The following NAV3 variants were observed in gnomAD, a reference collection of about 807,000 sequenced individuals.
NAV3 encodes pore membrane and/or filament interacting like protein 1.
Under a neutral mutation model 244.7 loss-of-function variants are expected in NAV3, and 87 were observed. The ratio of observed to expected loss-of-function variants is 0.36; its 90% CI spans 0.30 to 0.42. The LOEUF (loss-of-function observed/expected upper bound fraction) is 0.42. Among genes scored for constraint, NAV3 ranks in the 20% least tolerant of loss-of-function variants. NAV3 has a pLI of 1.00. For missense variants in NAV3, 2,663 were observed against 2,893.3 expected, an observed-to-expected ratio of 0.92 and a Z score of 1.83; for synonymous variants, 1,126 against 1,042.2, an observed-to-expected ratio of 1.08 and a Z score of -1.55.
At chr12:78,189,441 C>T (rs761924847) in intron 33 of NAV3, among the ~76,000 whole-genome samples, 10 of 151,460 alleles carry the variant, frequency 6.6e-5, no homozygotes, top group Admixed American at 4.6e-4. Flanking sequence ...CCTTGCCAAA[C>T]GTAACAATTT....
chr12:77,812,403 T>C (rs189278881), intron 2 of NAV3, among the ~76,000 whole-genome samples: 13 of 152,136 alleles, frequency 8.5e-5, no homozygotes, highest in African/African-American at 2.9e-4. Flanking sequence ...TTCATTTCTT[T>C]CTTTTTTTTT....
intron 3 of NAV3, among the ~76,000 whole-genome samples, chr12:77,961,608 T>C (rs1181549803): frequency 8.2e-6 from 1 of 122,070 alleles, no homozygotes. Flanking sequence ...TATATTTGAA[T>C]ATATATTACT....
intron 2 of NAV3, among the ~76,000 whole-genome samples, chr12:77,793,285 G>A (rs1395842617): frequency 1.3e-5 from 2 of 152,080 alleles, no homozygotes; most frequent in African/African-American, 4.8e-5. Flanking sequence ...AAAAGAAGTG[G>A]TAAGTATTTC....
At chr12:77,664,384 G>T (rs1873618901) in intron 2 of NAV3, among the ~76,000 whole-genome samples, 1 of 152,138 alleles carries the variant, frequency 6.6e-6, no homozygotes, top group Admixed American at 6.5e-5. Context: ...GGAAGAGTTG[G>T]CTAAATATTC....
intron 2 of NAV3, among the ~76,000 whole-genome samples, chr12:77,758,069 T>C (rs927576633): frequency 6.6e-6 from 1 of 151,926 alleles, no homozygotes; most frequent in Admixed American, 6.6e-5. Flanking sequence ...CTTGGTGTCT[T>C]GGCCACTGCT....
chr12:77,628,993 G>T (rs1871766843), intron 2 of NAV3, among the ~76,000 whole-genome samples: 2 of 151,818 alleles, frequency 1.3e-5, no homozygotes. Flanking sequence ...ATCCATTGGA[G>T]ATACTAAATT....
chr12:78,148,816 C>T (rs960896734), intron 21 of NAV3, 26 bp from the exon 22 acceptor site: 2 of 1,582,446 alleles, frequency 1.3e-6, no homozygotes, highest in Non-Finnish European at 1.7e-6. Flanking sequence ...CTTGCCTATT[C>T]CATTGATTTT....
At chr12:77,666,179 G>GTTTTTT (rs35767149) in intron 2 of NAV3, among the ~76,000 whole-genome samples, 15 of 119,164 alleles carry the variant, frequency 1.3e-4, no homozygotes, top group East Asian at 5.0e-4. Context: ...CATGTTTACA[G>GTTTTTT]TTTTTTTTTT....
intron 3 of NAV3, among the ~76,000 whole-genome samples, chr12:77,943,811 A>T (rs1471415681): frequency 6.6e-6 from 1 of 152,148 alleles, no homozygotes; most frequent in Non-Finnish European, 1.5e-5. Context: ...ACAAAAGATA[A>T]AGTAAAATTA....
At chr12:78,138,347 G>T (rs968815872) in intron 19 of NAV3, among the ~76,000 whole-genome samples, 1 of 152,076 alleles carries the variant, frequency 6.6e-6, no homozygotes, top group South Asian at 2.1e-4. Flanking sequence ...TGAGAACAAA[G>T]AATAATTCTG....
At chr12:78,125,367 A>G (rs964639) in intron 16 of NAV3, among the ~76,000 whole-genome samples, 93,735 of 152,030 alleles carry the variant, frequency 0.62, 29,177 homozygotes, top group Admixed American at 0.65. Context: ...ATTCCTCTTC[A>G]TTAAATTAAA....
intron 1 of NAV3, among the ~76,000 whole-genome samples, chr12:77,931,815 C>T (rs1039168549): frequency 6.6e-6 from 1 of 151,942 alleles, no homozygotes; most frequent in African/African-American, 2.4e-5. Context: ...TGCAGTGAGC[C>T]GAGATCGCGC....
chr12:78,008,164 G>A (rs965858121), intron 8 of NAV3, among the ~76,000 whole-genome samples: 3 of 151,350 alleles, frequency 2.0e-5, no homozygotes, highest in African/African-American at 7.3e-5. Flanking sequence ...AGGTTTCTAG[G>A]TAAAAGGGGT....
intron 1 of NAV3, among the ~76,000 whole-genome samples, chr12:77,887,428 A>G (rs1294604854): frequency 6.6e-6 from 1 of 152,148 alleles, no homozygotes; most frequent in Non-Finnish European, 1.5e-5. Flanking sequence ...ACCAGTATCC[A>G]GGGAAAGATC....
intron 3 of NAV3, among the ~76,000 whole-genome samples, chr12:77,964,516 A>G (rs943598116): frequency 2.4e-4 from 37 of 152,230 alleles, no homozygotes; most frequent in African/African-American, 8.9e-4. Flanking sequence ...AAATACATTT[A>G]CAAGAATACT....
chr12:77,977,232 A>G (rs568672011), intron 5 of NAV3, among the ~76,000 whole-genome samples: 1 of 152,092 alleles, frequency 6.6e-6, no homozygotes, highest in South Asian at 2.1e-4. Context: ...AGTTGCTATG[A>G]TAACTTGATT....
chr12:77,963,682 T>C (rs17818319), intron 3 of NAV3, among the ~76,000 whole-genome samples: 17,928 of 152,164 alleles, frequency 0.12, 1,214 homozygotes, highest in Non-Finnish European at 0.15. Flanking sequence ...CAGGCAATAA[T>C]GGGGAACATA....
chr12:77,900,504 T>A (rs1885156170), intron 1 of NAV3, among the ~76,000 whole-genome samples: 3 of 152,192 alleles, frequency 2.0e-5, no homozygotes, highest in South Asian at 4.1e-4. Flanking sequence ...ATGTTACAAC[T>A]AAGTAGATGA....
intron 1 of NAV3, among the ~76,000 whole-genome samples, chr12:77,922,258 GT>G (rs924536639): frequency 6.6e-5 from 10 of 151,948 alleles, no homozygotes; most frequent in Admixed American, 2.6e-4. Context: ...AACCAGAGAG[GT>G]TTTTTTGGGT....
Sources: gnomAD v4.1 joint callset for allele counts (sites outside exome capture counted in the v4.1 genomes callset) on GRCh38, gnomAD v4.1.1 for gene constraint, MANE v1.5 for transcripts, NCBI Gene and HGNC (gene_info 2026-07-23, HGNC 2026-07-21) for gene names.